The following PAPPA variants were observed in gnomAD, a reference collection of about 807,000 sequenced individuals.
The protein encoded by PAPPA is pappalysin 1.
PAPPA carries 60 observed loss-of-function variants against 164.0 expected under a neutral mutation model. The ratio of observed to expected loss-of-function variants is 0.37; its 90% CI spans 0.30 to 0.45. The LOEUF is 0.45. Ranked by LOEUF, PAPPA falls within the 20% of genes least tolerant of loss-of-function variation. PAPPA has a pLI of 1.00. For missense variants in PAPPA, 1,782 were observed against 2,087.3 expected (o/e 0.85, Z 2.85); for synonymous variants, 875 against 814.1 (o/e 1.07, Z -1.27).
intron 9 of PAPPA, among the ~76,000 whole-genome samples, chr9:116,281,573 C>T (rs949831894): frequency 6.6e-6 from 1 of 152,096 alleles, no homozygotes; most frequent in Non-Finnish European, 1.5e-5. Flanking sequence ...AGGCAGCATC[C>T]AGGATCCTCC....
At chr9:116,162,320 G>A (rs983114409) in intron 1 of PAPPA, among the ~76,000 whole-genome samples, 1 of 152,084 alleles carries the variant, frequency 6.6e-6, no homozygotes, top group Non-Finnish European at 1.5e-5. Flanking sequence ...GTATTGTGAC[G>A]ATACACACAC....
intron 10 of PAPPA, among the ~76,000 whole-genome samples, chr9:116,309,344 G>A (rs1466470176): frequency 6.6e-6 from 1 of 152,078 alleles, no homozygotes; most frequent in South Asian, 2.1e-4. Flanking sequence ...CCAAAGTGCT[G>A]GGATTACAGG....
At chr9:116,344,440 C>G in intron 13 of PAPPA, 103 bp from the exon 14 acceptor site, 1 of 1,169,844 alleles carries the variant, frequency 8.5e-7, no homozygotes, top group Non-Finnish European at 1.2e-6. Flanking sequence ...AGTCTCAAGC[C>G]CCCTGAAATC....
intron 2 of PAPPA, among the ~76,000 whole-genome samples, chr9:116,199,203 C>T (rs1190575127): frequency 6.6e-6 from 1 of 152,162 alleles, no homozygotes; most frequent in African/African-American, 2.4e-5. Context: ...CATCACGATC[C>T]AATCCACAAG....
At chr9:116,206,350 C>G (rs554956698) in intron 2 of PAPPA, among the ~76,000 whole-genome samples, 1 of 152,132 alleles carries the variant, frequency 6.6e-6, no homozygotes, top group Non-Finnish European at 1.5e-5. Context: ...CGCTAGATCT[C>G]AGACGTATCC....
chr9:116,219,156 T>A (rs1395862292), intron 4 of PAPPA, among the ~76,000 whole-genome samples: 2 of 152,186 alleles, frequency 1.3e-5, no homozygotes, highest in Non-Finnish European at 2.9e-5. Context: ...ACTATCTCCT[T>A]CTTTAGAAGC....
At chr9:116,234,958 G>A (rs1283836890) in intron 6 of PAPPA, among the ~76,000 whole-genome samples, 181 bp from the exon 7 acceptor site, 1 of 152,174 alleles carries the variant, frequency 6.6e-6, no homozygotes, top group Non-Finnish European at 1.5e-5. Context: ...TATTGCAGGG[G>A]TGGGGATGAG....
At chr9:116,321,729 GA>G (rs1564225026) in intron 10 of PAPPA, among the ~76,000 whole-genome samples, 1 of 152,164 alleles carries the variant, frequency 6.6e-6, no homozygotes, top group Non-Finnish European at 1.5e-5. Context: ...AAAGCCTTGG[GA>G]AAGCCATATT....
chr9:116,373,461 T>C (rs773476311), intron 19 of PAPPA: 3 of 152,074 alleles, frequency 2.0e-5, no homozygotes, highest in South Asian at 2.1e-4. Context: ...GATTCACTCA[T>C]AGCAGGTCCC....
rs73654620 is a variant in PAPPA at position 116,163,140 on chromosome 9, C to T, written c.415+8553C>T. 5.8e-3 allele frequency among the ~76,000 whole-genome samples: 890 copies of T among 152,278 alleles called. 9 individuals carry two copies. Among genetic ancestry groups the T allele is most frequent in the African/African-American group, 0.02 (816 of 41,546 alleles). On this transcript the variant is annotated intron_variant, in intron 1 of 21. Coordinates refer to ENST00000328252, the MANE Select transcript of PAPPA (RefSeq NM_002581.5). ...AGTCAACAAAAGAGAGAAACATCTCCGCCCTCAGGGAGTTTATATTCTGGG... is the reference window on the plus strand; with the variant it reads ...AGTCAACAAAAGAGAGAAACATCTCTGCCCTCAGGGAGTTTATATTCTGGG...
chr9:116,275,563 C>A (rs553763324), intron 9 of PAPPA, among the ~76,000 whole-genome samples: 3 of 152,308 alleles, frequency 2.0e-5, no homozygotes, highest in Admixed American at 2.0e-4. Flanking sequence ...CACTCTGCCT[C>A]TCCATTTGAA....
chr9:116,193,947 G>A (rs945440400), intron 2 of PAPPA, among the ~76,000 whole-genome samples: 9 of 152,196 alleles, frequency 5.9e-5, no homozygotes, highest in African/African-American at 2.2e-4. Flanking sequence ...GATGCAATAG[G>A]CTTTTAGCAT....
At chr9:116,394,341 A>C (rs1467657846) in intron 21 of PAPPA, among the ~76,000 whole-genome samples, 1 of 152,172 alleles carries the variant, frequency 6.6e-6, no homozygotes, top group Non-Finnish European at 1.5e-5. Flanking sequence ...TGATCCTCAG[A>C]AAAAATGCAA....
chr9:116,316,700 T>C (rs1036272226), intron 10 of PAPPA, among the ~76,000 whole-genome samples: 4 of 152,022 alleles, frequency 2.6e-5, no homozygotes, highest in African/African-American at 9.7e-5. Flanking sequence ...AAAATGGGAG[T>C]TCTTGTTTGA....
chr9:116,258,566 G>C lies in PAPPA; in HGVS notation c.2733-7291G>C, dbSNP rs557169722. Among the ~76,000 whole-genome samples, 20 of 152,186 alleles carry C rather than the reference G, an allele frequency of 1.3e-4. No homozygotes were observed. The South Asian group carries it at 4.2e-3, about 32-fold the overall frequency. On this transcript the variant is annotated intron_variant, in intron 7 of 21. Transcript: ENST00000328252. ...AGCTACTGGGAAGGCTGAGGCAGGAGAATCCCTTGAACCCGGGAGGCGGAG... is the reference window on the plus strand; with the variant it reads ...AGCTACTGGGAAGGCTGAGGCAGGACAATCCCTTGAACCCGGGAGGCGGAG...
chr9:116,390,407 G>C (rs1355603846), intron 21 of PAPPA, among the ~76,000 whole-genome samples: 6 of 152,126 alleles, frequency 3.9e-5, no homozygotes, highest in Non-Finnish European at 8.8e-5. Context: ...CCAGAGCATG[G>C]TGCAAGGGGA....
intron 1 of PAPPA, among the ~76,000 whole-genome samples, chr9:116,174,034 C>T (rs1177142434): frequency 2.0e-5 from 3 of 152,142 alleles, no homozygotes; most frequent in Non-Finnish European, 4.4e-5. Context: ...GTTACTCAGG[C>T]TTAGGTGAGT....
chr9:116,389,148 T>G (rs78393281), intron 21 of PAPPA, among the ~76,000 whole-genome samples: 2 of 147,034 alleles, frequency 1.4e-5, no homozygotes, highest in South Asian at 2.2e-4. Flanking sequence ...TTTTTTTTTT[T>G]GGAAACAGAG....
chr9:116,285,171 CTTTTT>C, intron 9 of PAPPA, among the ~76,000 whole-genome samples: 19 of 89,494 alleles, frequency 2.1e-4, no homozygotes, highest in Non-Finnish European at 3.7e-4. Context: ...TTCTTTCTTT[CTTTTT>C]TTTTTTTTTT....
Sources: allele counts gnomAD v4.1 joint callset (sites outside exome capture counted in the v4.1 genomes callset), GRCh38; gene constraint gnomAD v4.1.1; transcripts MANE v1.5; gene names NCBI Gene and HGNC (gene_info 2026-07-23, HGNC 2026-07-21).